Variants in PGM1 observed in about 807,000 individuals in gnomAD.
PGM1 encodes phosphoglucomutase 1.
PGM1 carries 52 observed loss-of-function variants against 55.6 expected under a neutral mutation model. The ratio of observed to expected loss-of-function variants is 0.94; its 90% CI spans 0.75 to 1.18. The LOEUF (loss-of-function observed/expected upper bound fraction) is 1.18, where lower values mean the gene tolerates loss of function less well. Among genes scored for constraint, PGM1 ranks in the 50% most tolerant of loss-of-function variants. The pLI is 0.00. For missense variants in PGM1, 724 were observed against 729.3 expected, an observed-to-expected ratio of 0.99 and a Z score of 0.08; for synonymous variants, 287 against 271.7, an observed-to-expected ratio of 1.06 and a Z score of -0.55.
At chr1:63,607,788 C>G (rs921449778) in intron 1 of PGM1, among the ~76,000 whole-genome samples, 1 of 152,232 alleles carries the variant, frequency 6.6e-6, no homozygotes, top group Non-Finnish European at 1.5e-5. Flanking sequence ...GCATTTGAAA[C>G]TCCTCTATGG....
chr1:63,630,837 G>A (rs187948867), intron 3 of PGM1, among the ~76,000 whole-genome samples: 1 of 152,256 alleles, frequency 6.6e-6, no homozygotes, highest in Non-Finnish European at 1.5e-5. Flanking sequence ...GCAACTTTAT[G>A]GAATGCATTT....
At chr1:63,629,348 T>G in intron 1 of PGM1, 77 bp from the exon 2 acceptor site, 2 of 1,208,854 alleles carry the variant, frequency 1.7e-6, no homozygotes, top group Non-Finnish European at 2.5e-6. Flanking sequence ...CATCTGCCTG[T>G]TGTCTTGGTG....
At chr1:63,611,956 T>G (rs1259978995) in intron 1 of PGM1, among the ~76,000 whole-genome samples, 1 of 151,852 alleles carries the variant, frequency 6.6e-6, no homozygotes, top group African/African-American at 2.4e-5. Flanking sequence ...CAGTAACATA[T>G]TAAGGCTATC....
chr1:63,593,783 A>G lies in PGM1; in HGVS notation c.246+49A>G, dbSNP rs932939927. ...CGCTGTGCACCCTGGCGCGTGTGCGACGTGCGGCCCGCGGCGCCCTCCCTC... is the reference window on the plus strand; with the variant it reads ...CGCTGTGCACCCTGGCGCGTGTGCGGCGTGCGGCCCGCGGCGCCCTCCCTC... On this transcript the variant is annotated intron_variant, in intron 1 of 10. Coordinates refer to ENST00000371084, the MANE Select transcript of PGM1 (RefSeq NM_002633.3). 6 of 1,517,234 alleles carry G rather than the reference A, an allele frequency of 4.0e-6. No individual in the cohort carries two copies. The African/African-American group carries it at 7.1e-5, about 18-fold the overall frequency. 94.0% of individuals were successfully genotyped at this position (1,517,234 alleles called of 1,614,324 possible).
intron 1 of PGM1, among the ~76,000 whole-genome samples, chr1:63,619,046 A>G (rs1011964040): frequency 2.6e-5 from 4 of 152,180 alleles, no homozygotes; most frequent in Non-Finnish European, 5.9e-5. Flanking sequence ...CTCATGCCTC[A>G]ACTGTTCTTG....
chr1:63,656,571 G>GGTGTGTGTGTGTGTGTGTGT (rs10629750), intron 10 of PGM1, among the ~76,000 whole-genome samples: 1 of 144,240 alleles, frequency 6.9e-6, no homozygotes, highest in African/African-American at 2.7e-5. Context: ...AAGACATTGT[G>GGTGTGTGTGTGTGTGTGTGT]GTGTGTGTGT....
intron 1 of PGM1, among the ~76,000 whole-genome samples, chr1:63,615,626 G>A (rs1171830003): frequency 2.2e-5 from 3 of 134,550 alleles, no homozygotes; most frequent in East Asian, 2.3e-4. Context: ...GCAGTGGCGC[G>A]ATCTCGACTC....
At chr1:63,613,484 T>G (rs1176520185) in intron 1 of PGM1, among the ~76,000 whole-genome samples, 1 of 152,008 alleles carries the variant, frequency 6.6e-6, no homozygotes. Flanking sequence ...CAATCCCTGG[T>G]GCAGTGTAAC....
intron 1 of PGM1, among the ~76,000 whole-genome samples, chr1:63,620,730 ACT>A (rs1648859725): frequency 6.6e-6 from 1 of 152,182 alleles, no homozygotes; most frequent in Non-Finnish European, 1.5e-5. Context: ...GGGGTTCATA[ACT>A]CTGCCATTGT....
At chr1:63,623,888 C>T (rs1648953733) in intron 1 of PGM1, 2 of 630,220 alleles carry the variant, frequency 3.2e-6, no homozygotes, top group Non-Finnish European at 5.4e-6. Context: ...AGCTAAGTTT[C>T]ATTGTAACTT....
At chr1:63,626,011 ATATT>A (rs1258887694) in intron 1 of PGM1, among the ~76,000 whole-genome samples, 1 of 152,172 alleles carries the variant, frequency 6.6e-6, no homozygotes, top group Non-Finnish European at 1.5e-5. Context: ...ATTAAAAGGA[ATATT>A]TAAAGTTTAC....
At chr1:63,619,353 T>G (rs1648825241) in intron 1 of PGM1, among the ~76,000 whole-genome samples, 1 of 152,138 alleles carries the variant, frequency 6.6e-6, no homozygotes, top group Admixed American at 6.5e-5. Flanking sequence ...AAGGAGTATC[T>G]TCACAGTAGG....
chr1:63,654,356 G>C lies in PGM1; in HGVS notation c.1489G>C (p.Gly497Arg), dbSNP rs771498278. The change falls in exon 10 of 11, where the codon GGT becomes CGT. Residue 497 changes from glycine (G) to arginine (R), a missense_variant. Physicochemically the swap from Gly to Arg is moderately radical, Grantham distance 125. Around this residue, in one of 3 missense-constraint regions of PGM1, gnomAD observed 316 missense variants for 313.1 expected, o/e 1.01. Transcript: ENST00000371084. ...NQGLRLIFTD[G>R]SRIVFRLSGT... ...GGGCTTGCGCCTCATTTTCACAGATGGTTCTCGAATCGTCTTCCGACTGAG... is the reference window on the plus strand; with the variant it reads ...GGGCTTGCGCCTCATTTTCACAGATCGTTCTCGAATCGTCTTCCGACTGAG... 7.4e-6 allele frequency: 12 copies of C among 1,613,934 alleles called. No homozygotes were observed. The highest frequency in any genetic ancestry group is 1.0e-5 in the Non-Finnish European group (12 of 1,179,936).
At position 63,593,596 on chromosome 1, in the gene PGM1, G is replaced by T. The variant is rs748607957; in HGVS notation, c.108G>T (p.Ala36=). 6.2e-7 allele frequency: 1 copy of T among 1,613,488 alleles called. No individual in the cohort carries two copies. The highest frequency in any genetic ancestry group is 8.5e-7 in the Non-Finnish European group (1 of 1,179,896). Residue 36 remains alanine, a synonymous_variant, in exon 1 of 11, where the codon GCG becomes GCT. Transcript: ENST00000371084. ...TGTTCCAGAGCAGCGCCAACTACGC[G>T]GAGAACTTCATCCAGAGTATCATCT... ...VKVFQSSANY[A]ENFIQSIIST...
chr1:63,639,468 A>T (rs1207748852), intron 7 of PGM1, among the ~76,000 whole-genome samples: 2 of 151,554 alleles, frequency 1.3e-5, no homozygotes, highest in African/African-American at 4.9e-5. Context: ...CCAAATATTG[A>T]CCCGAACTCC....
intron 1 of PGM1, among the ~76,000 whole-genome samples, chr1:63,594,809 AAATT>A (rs1647998262): frequency 6.9e-6 from 1 of 144,368 alleles, no homozygotes; most frequent in African/African-American, 2.6e-5. Context: ...AAAAAAAAAA[AAATT>A]AGCCAGGCGT....
At chr1:63,627,061 C>A (rs1010713444) in intron 1 of PGM1, among the ~76,000 whole-genome samples, 2 of 126,230 alleles carry the variant, frequency 1.6e-5, no homozygotes, top group African/African-American at 6.1e-5. Context: ...GGACCCCCCC[C>A]CCCCCACACA....
intron 1 of PGM1, among the ~76,000 whole-genome samples, chr1:63,599,481 T>G (rs1220224163): frequency 1.4e-5 from 2 of 144,854 alleles, no homozygotes; most frequent in Admixed American, 7.1e-5. Flanking sequence ...CTTTTTAACA[T>G]GCTGTAACCC....
rs557315839 is a variant in PGM1 at position 63,631,877 on chromosome 1, G to A, written c.682+95G>A. 6 of 1,201,372 alleles carry A rather than the reference G, an allele frequency of 5.0e-6. No individual in the cohort carries two copies. The East Asian group carries it at 1.2e-4, about 23-fold the overall frequency. The allele number at this position is 1,201,372 out of a possible 1,614,324, so 74.4% of individuals were successfully genotyped here. ...GATGCTTCAACAAGCCTTTTCTCAAGTCTCTCTGATGGTTTTTAAATAGAG... is the reference window on the plus strand; with the variant it reads ...GATGCTTCAACAAGCCTTTTCTCAAATCTCTCTGATGGTTTTTAAATAGAG... On this transcript the variant is annotated intron_variant, in intron 4 of 10. Coordinates refer to ENST00000371084, the MANE Select transcript of PGM1 (RefSeq NM_002633.3).
Sources: gnomAD v4.1 joint callset for allele counts (sites outside exome capture counted in the v4.1 genomes callset) on GRCh38, gnomAD v4.1.1 for gene constraint, gnomAD v4.1.1 regional missense constraint, MANE v1.5 for transcripts, NCBI Gene and HGNC (gene_info 2026-07-23, HGNC 2026-07-21) for gene names.